L3MBTL3: variants seen among roughly 807,000 people sequenced by gnomAD.
L3MBTL3 encodes lethal(3)malignant brain tumor-like protein 3.
Under a neutral mutation model 102.3 loss-of-function variants are expected in L3MBTL3, and 27 were observed. The ratio of observed to expected loss-of-function variants is 0.26; its 90% CI spans 0.19 to 0.36. L3MBTL3 has a LOEUF of 0.36. L3MBTL3 is among the 10% of genes least tolerant of loss of function. The pLI, the probability that L3MBTL3 is intolerant of heterozygous loss-of-function variation, is 1.00. For missense variants in L3MBTL3, 798 were observed against 955.3 expected, an observed-to-expected ratio of 0.84 and a Z score of 2.17; for synonymous variants, 340 against 320.9, an observed-to-expected ratio of 1.06 and a Z score of -0.64.
chr6:130,125,991 G>A (rs947337807), intron 20 of L3MBTL3, among the ~76,000 whole-genome samples: 1 of 140,170 alleles, frequency 7.1e-6, no homozygotes, highest in African/African-American at 2.8e-5. Flanking sequence ...AGTAGAGTAT[G>A]TGTAATTATG....
intron 11 of L3MBTL3, 49 bp from the exon 12 acceptor site, chr6:130,068,281 T>C (rs773980382): frequency 3.0e-6 from 3 of 1,002,006 alleles, no homozygotes; most frequent in Non-Finnish European, 4.6e-6. Flanking sequence ...AAACTAAGTG[T>C]AAAATATTGT....
At chr6:130,021,714 A>G (rs1328106950) in intron 1 of L3MBTL3, among the ~76,000 whole-genome samples, 1 of 152,202 alleles carries the variant, frequency 6.6e-6, no homozygotes. Flanking sequence ...GCAATTTTAT[A>G]TAGTTTCTTA....
At chr6:130,059,242 T>G (rs1781733304) in intron 9 of L3MBTL3, among the ~76,000 whole-genome samples, 1 of 152,224 alleles carries the variant, frequency 6.6e-6, no homozygotes, top group African/African-American at 2.4e-5. Context: ...GTGCTTATAT[T>G]CCCTTCCTGG....
At chr6:130,031,745 C>T (rs1584282216) in intron 2 of L3MBTL3, among the ~76,000 whole-genome samples, 1 of 152,210 alleles carries the variant, frequency 6.6e-6, no homozygotes, top group South Asian at 2.1e-4. Flanking sequence ...GTGACTAAGC[C>T]TTCACTGTTA....
chr6:130,095,299 T>G (rs71570997), intron 18 of L3MBTL3, among the ~76,000 whole-genome samples: 10 of 152,190 alleles, frequency 6.6e-5, no homozygotes, highest in African/African-American at 2.4e-4. Flanking sequence ...ATTGCAAAAT[T>G]GTTGTAATTA....
intron 13 of L3MBTL3, among the ~76,000 whole-genome samples, chr6:130,076,665 C>T (rs1782970930): frequency 6.6e-6 from 1 of 152,060 alleles, no homozygotes; most frequent in African/African-American, 2.4e-5. Context: ...ATACTTTTTA[C>T]CTTTAGTTGT....
intron 3 of L3MBTL3, among the ~76,000 whole-genome samples, chr6:130,043,438 T>C (rs1780549477): frequency 6.6e-6 from 1 of 152,190 alleles, no homozygotes; most frequent in Non-Finnish European, 1.5e-5. Flanking sequence ...ACCCCAAACC[T>C]ATTCCAGGAC....
intron 20 of L3MBTL3, among the ~76,000 whole-genome samples, chr6:130,122,541 A>G (rs1786302288): frequency 6.6e-6 from 1 of 152,244 alleles, no homozygotes; most frequent in African/African-American, 2.4e-5. Context: ...AATGAGGATG[A>G]AGTACAGTCA....
intron 3 of L3MBTL3, among the ~76,000 whole-genome samples, chr6:130,047,758 C>T (rs1780818068): frequency 6.6e-6 from 1 of 152,010 alleles, no homozygotes; most frequent in African/African-American, 2.4e-5. Flanking sequence ...TGCTCTTGCC[C>T]AGCAGATGGT....
In L3MBTL3 at chr6:130,098,277, A is replaced by G. The variant is rs1005697930; in HGVS notation, c.1736+3910A>G. Among the ~76,000 whole-genome samples, 5 of 152,286 alleles carry G rather than the reference A, an allele frequency of 3.3e-5. No individual in the cohort carries two copies. The South Asian group carries it at 1.0e-3, about 32-fold the overall frequency. On this transcript the variant is annotated intron_variant, in intron 18 of 22. Transcript: ENST00000361794. ...GCTGTAAACATCATATTAATTCACC[A>G]TGCATCTATCCGTGAACAAACCTTT...
At chr6:130,065,543 G>T (rs963217323) in intron 10 of L3MBTL3, among the ~76,000 whole-genome samples, 25 of 152,172 alleles carry the variant, frequency 1.6e-4, no homozygotes, top group African/African-American at 5.3e-4. Flanking sequence ...AATTGCCCTG[G>T]CTCTGCACTC....
intron 20 of L3MBTL3, among the ~76,000 whole-genome samples, chr6:130,128,478 G>A (rs2114367459): frequency 6.6e-6 from 1 of 152,244 alleles, no homozygotes; most frequent in East Asian, 1.9e-4. Flanking sequence ...GTGGTGGTGG[G>A]TGTGCTGTCA....
intron 20 of L3MBTL3, among the ~76,000 whole-genome samples, chr6:130,121,972 G>A (rs1196278970): frequency 1.3e-5 from 2 of 152,256 alleles, no homozygotes; most frequent in South Asian, 2.1e-4. Context: ...ATTGAACCTC[G>A]GAGGCAGAGG....
intron 8 of L3MBTL3, among the ~76,000 whole-genome samples, chr6:130,055,958 C>G (rs1328073704): frequency 7.3e-6 from 1 of 137,514 alleles, no homozygotes; most frequent in Non-Finnish European, 1.6e-5. Flanking sequence ...GATGGATTCT[C>G]ACTCTGTCAC....
intron 22 of L3MBTL3, 53 bp from the exon 23 acceptor site, chr6:130,139,557 A>G: frequency 6.5e-7 from 1 of 1,541,296 alleles, no homozygotes; most frequent in South Asian, 1.1e-5. Context: ...AATATTTTCT[A>G]CAACACTGCA....
At position 130,049,408 on chromosome 6, in the gene L3MBTL3, T is replaced by G; in HGVS notation, c.214+15T>G. On this transcript the variant is annotated intron_variant, in intron 4 of 22. Transcript: ENST00000361794. ...TGCTCAAGAAGGTAAGGATGGGTCA[T>G]CTGCATTTTATTTCTTGCTTTTGAA... The G allele has an allele frequency of 7.1e-7, 1 of 1,407,588 alleles. No homozygotes were observed. The highest frequency in any genetic ancestry group is 9.9e-7 in the Non-Finnish European group (1 of 1,007,642). 87.2% of individuals were successfully genotyped at this position (1,407,588 alleles called of 1,614,324 possible).
chr6:130,036,508 C>G (rs1780072846), intron 2 of L3MBTL3, among the ~76,000 whole-genome samples: 1 of 152,188 alleles, frequency 6.6e-6, no homozygotes, highest in Non-Finnish European at 1.5e-5. Flanking sequence ...CTGTTTCATA[C>G]AGCAAAGGCA....
intron 2 of L3MBTL3, among the ~76,000 whole-genome samples, chr6:130,032,580 G>C: frequency 6.6e-6 from 1 of 152,170 alleles, no homozygotes; most frequent in South Asian, 2.1e-4. Flanking sequence ...TTTACTATCT[G>C]GTAAGTACTA....
chr6:130,126,443 T>C (rs1786614770), intron 20 of L3MBTL3, among the ~76,000 whole-genome samples: 1 of 152,144 alleles, frequency 6.6e-6, no homozygotes, highest in African/African-American at 2.4e-5. Context: ...TTACCCTCCA[T>C]GGTATTAGAG....
Sources: allele counts gnomAD v4.1 joint callset (sites outside exome capture counted in the v4.1 genomes callset), GRCh38; gene constraint gnomAD v4.1.1; transcripts MANE v1.5; gene names NCBI Gene and HGNC (gene_info 2026-07-23, HGNC 2026-07-21).